The following PARD3B variants were observed in gnomAD, a reference collection of about 807,000 sequenced individuals.
PARD3B encodes the protein partitioning defective 3 homolog B.
Under a neutral mutation model 130.2 loss-of-function variants are expected in PARD3B, and 103 were observed. The ratio of observed to expected loss-of-function variants is 0.79; its 90% CI spans 0.67 to 0.93. The LOEUF is 0.93. Ranked by LOEUF, PARD3B falls within the 40% of genes least tolerant of loss-of-function variation. The probability of loss-of-function intolerance (pLI) is 0.00; values close to 1 mark genes in which losing one functional copy is unlikely to be tolerated. For missense variants in PARD3B, 1,609 were observed against 1,499.2 expected (o/e 1.07, Z -1.21); for synonymous variants, 583 against 553.2 (o/e 1.05, Z -0.76).
At chr2:205,477,690 G>T (rs2106278182) in intron 20 of PARD3B, among the ~76,000 whole-genome samples, 1 of 152,238 alleles carries the variant, frequency 6.6e-6, no homozygotes, top group Admixed American at 6.5e-5. Flanking sequence ...TTGTCCCCAA[G>T]ATTTCAGTAT....
rs1226742460 is a variant in PARD3B, at chr2:205,183,921, C to T, written c.1925-1843C>T. The stretch of plus-strand genomic sequence containing the variant: ...GCCGGAGAACCAGAAAAGCTGGTGG[C>T]GTGGTTTCAGTCTGAAGACAAACGG... On this transcript the variant is annotated intron_variant, in intron 13 of 22. Transcript: ENST00000406610. The surrounding 1 kb of genome is among the most constrained non-coding windows in gnomAD (Gnocchi z 5.2). Among the ~76,000 whole-genome samples, 2 of 151,980 alleles carry T rather than the reference C, an allele frequency of 1.3e-5. No homozygotes were observed. The highest frequency in any genetic ancestry group is 2.1e-4 in the South Asian group (1 of 4,822).
intron 3 of PARD3B, among the ~76,000 whole-genome samples, chr2:205,046,938 C>A (rs543737650): frequency 6.6e-6 from 1 of 152,160 alleles, no homozygotes; most frequent in Non-Finnish European, 1.5e-5. Context: ...AATTTAATAA[C>A]TGACTCAAAT....
chr2:204,726,266 A>G (rs73059097), intron 2 of PARD3B, among the ~76,000 whole-genome samples: 2,548 of 152,306 alleles, frequency 0.017, 74 homozygotes, highest in African/African-American at 0.058. Context: ...TTGAAGGTAA[A>G]GAATTGCTGA....
chr2:205,242,794 G>C (rs1004713925), intron 15 of PARD3B, among the ~76,000 whole-genome samples: 1 of 152,010 alleles, frequency 6.6e-6, no homozygotes, highest in Non-Finnish European at 1.5e-5. Flanking sequence ...AAGTGCTTTT[G>C]TACATTTTTT....
intron 3 of PARD3B, among the ~76,000 whole-genome samples, chr2:204,974,201 G>A (rs187554928): frequency 1.3e-5 from 2 of 152,102 alleles, no homozygotes. Flanking sequence ...TGGAACTTTG[G>A]GGGGTTTTGG....
chr2:205,451,029 A>G (rs771837254), intron 20 of PARD3B, among the ~76,000 whole-genome samples: 2 of 152,198 alleles, frequency 1.3e-5, no homozygotes, highest in Non-Finnish European at 2.9e-5. Flanking sequence ...GTCAATAACA[A>G]CAGTGTCAAG....
At chr2:204,650,232 T>C (rs182958661) in intron 1 of PARD3B, among the ~76,000 whole-genome samples, 20 of 152,192 alleles carry the variant, frequency 1.3e-4, no homozygotes, top group Admixed American at 6.5e-4. Context: ...ATGGCTATTA[T>C]TAAAAAGCCA....
At chr2:205,082,340 G>A (rs1701467891) in intron 4 of PARD3B, among the ~76,000 whole-genome samples, 1 of 152,048 alleles carries the variant, frequency 6.6e-6, no homozygotes, top group Non-Finnish European at 1.5e-5. Flanking sequence ...CTATGATAAA[G>A]CATAATTTAT....
chr2:205,608,643 T>TAGCAGGACC lies in PARD3B; in HGVS notation c.3261-6811_3261-6803dup, dbSNP rs2055109970. 1.3e-5 allele frequency among the ~76,000 whole-genome samples: 2 copies of TAGCAGGACC among 152,214 alleles called. 1 individual carries two copies. The highest frequency in any genetic ancestry group is 2.9e-5 in the Non-Finnish European group (2 of 68,030). On this transcript the variant is annotated intron_variant, in intron 22 of 22. Coordinates refer to ENST00000406610, the MANE Select transcript of PARD3B (RefSeq NM_001302769.2). Reference sequence around the variant, plus strand: ...CATCCCCTCATAAAGGAAATTATTTTAGCAGGACCATTTTTAGGACCATCT... The same window carrying TAGCAGGACC: ...CATCCCCTCATAAAGGAAATTATTTTAGCAGGACCAGCAGGACCATTTTTAGGACCATCT...
chr2:204,568,047 A>G lies in PARD3B; in HGVS notation c.120+21928A>G, dbSNP rs2031781047. Among the ~76,000 whole-genome samples the G allele has an allele frequency of 2.0e-5, 3 of 152,356 alleles. No homozygotes were observed. The South Asian group carries it at 6.2e-4, about 32-fold the overall frequency. ...AGAATAATTTTTGAAAAGATTTAAA[A>G]TACTATTGTAAATCTGTGAAATGAC... On this transcript the variant is annotated intron_variant, in intron 1 of 22. Coordinates refer to ENST00000406610, the MANE Select transcript of PARD3B (RefSeq NM_001302769.2).
At chr2:205,526,900 A>C (rs554822979) in intron 21 of PARD3B, among the ~76,000 whole-genome samples, 2 of 152,298 alleles carry the variant, frequency 1.3e-5, no homozygotes, top group South Asian at 4.1e-4. Flanking sequence ...TAGTAATTTT[A>C]AAATCATTTA....
Position 204,545,782 on chromosome 2 carries a change from A to G in PARD3B, c.-218A>G, listed in dbSNP as rs1559147381. On this transcript the variant is annotated 5_prime_UTR_variant, in exon 1 of 23. Transcript: ENST00000406610. ...CCGGGCCGCCGGGCACCTGGGAGGT[A>G]ACCCCTTTCCGCGGCCGCCCCTCCC... 7 of 457,414 alleles carry G rather than the reference A, an allele frequency of 1.5e-5. No homozygotes were observed. The highest frequency in any genetic ancestry group is 2.6e-5 in the Non-Finnish European group (7 of 265,988). The allele number at this position is 457,414 out of a possible 1,614,324, so 28.3% of individuals were successfully genotyped here. A position where few individuals can be genotyped will look rare whatever the true frequency, so the allele number is the denominator to read the frequency against.
At chr2:205,364,145 G>T (rs759676573) in intron 18 of PARD3B, among the ~76,000 whole-genome samples, 14 of 152,128 alleles carry the variant, frequency 9.2e-5, no homozygotes, top group Middle Eastern at 3.2e-3. Flanking sequence ...ACAGGATAAA[G>T]AAGCATATTT....
At position 205,130,615 on chromosome 2, in the gene PARD3B, A is replaced by G. The variant is rs145360200; in HGVS notation, c.1434+4878A>G. On this transcript the variant is annotated intron_variant, in intron 10 of 22. Transcript: ENST00000406610. ...TCTTTGTTAACCTCTTTAACGTTTC[A>G]TTTTCTGACCTGCTGCCTTATTTCT... Among the ~76,000 whole-genome samples, 844 of 152,118 alleles carry G rather than the reference A, an allele frequency of 5.5e-3. 6 individuals are homozygous for G. Among genetic ancestry groups the G allele is most frequent in the African/African-American group, 0.019 (789 of 41,496 alleles).
chr2:205,613,161 T>C (rs1373808803), intron 22 of PARD3B, among the ~76,000 whole-genome samples: 1 of 152,240 alleles, frequency 6.6e-6, no homozygotes, highest in Non-Finnish European at 1.5e-5. Flanking sequence ...ACAGGAAGCA[T>C]TCATGCTAAG....
At chr2:204,802,042 C>G (rs961041208) in intron 2 of PARD3B, among the ~76,000 whole-genome samples, 1 of 152,014 alleles carries the variant, frequency 6.6e-6, no homozygotes, top group Non-Finnish European at 1.5e-5. Context: ...GCGTTGCATC[C>G]CAGGGATGAA....
chr2:205,307,408 T>C (rs2042223180), intron 18 of PARD3B, among the ~76,000 whole-genome samples: 1 of 152,218 alleles, frequency 6.6e-6, no homozygotes, highest in Admixed American at 6.5e-5. Flanking sequence ...TTATTATTAT[T>C]GTGGAAAAAT....
At chr2:204,963,012 C>T (rs899102481) in intron 2 of PARD3B, among the ~76,000 whole-genome samples, 5 of 152,166 alleles carry the variant, frequency 3.3e-5, no homozygotes, top group African/African-American at 1.2e-4. Flanking sequence ...GGGTATAACA[C>T]GCTAATGGAC....
intron 15 of PARD3B, among the ~76,000 whole-genome samples, chr2:205,233,487 G>T (rs1370077778): frequency 1.3e-5 from 2 of 151,930 alleles, no homozygotes; most frequent in African/African-American, 2.4e-5. Context: ...TAAATATAAG[G>T]TTAATTGTTT....
Sources: gnomAD v4.1 joint callset for allele counts (sites outside exome capture counted in the v4.1 genomes callset) on GRCh38, gnomAD v4.1.1 for gene constraint, Gnocchi (gnomAD v3.1) non-coding constraint, MANE v1.5 for transcripts, NCBI Gene and HGNC (gene_info 2026-07-23, HGNC 2026-07-21) for gene names.